FREM3: variants seen among roughly 807,000 people sequenced by gnomAD.
FREM3 encodes the protein FRAS1-related extracellular matrix protein 3.
FREM3 carries 105 observed loss-of-function variants against 129.1 expected under a neutral mutation model. The observed-to-expected ratio is 0.81, with a 90% CI of 0.69 to 0.96. The LOEUF (loss-of-function observed/expected upper bound fraction) is 0.96. Among genes scored for constraint, FREM3 ranks in the 40% least tolerant of loss-of-function variants. FREM3 has a pLI of 0.00. For missense variants in FREM3, 2,593 were observed against 2,666.3 expected, an observed-to-expected ratio of 0.97 and a Z score of 0.61; for synonymous variants, 1,014 against 1,044.9, an observed-to-expected ratio of 0.97 and a Z score of 0.57.
rs112912209 is a variant in FREM3 at position 143,656,516 on chromosome 4, C to A, written c.5276-28756G>T. Among the ~76,000 whole-genome samples, 1,447 of 152,198 alleles carry A rather than the reference C, an allele frequency of 9.5e-3. 21 individuals carry two copies. The highest frequency in any genetic ancestry group is 0.033 in the African/African-American group (1,390 of 41,520). ...CATGAAGTACTGATATATGCTATAACATAAACCTTGAAAACATTAGGCTAA... is the reference window on the plus strand; with the variant it reads ...CATGAAGTACTGATATATGCTATAAAATAAACCTTGAAAACATTAGGCTAA... On this transcript the variant is annotated intron_variant, in intron 2 of 7. Transcript: ENST00000329798.
chr4:143,620,189 C>A lies in FREM3; in HGVS notation c.5779+848G>T, dbSNP rs576261906. 1.4e-4 allele frequency among the ~76,000 whole-genome samples: 21 copies of A among 152,264 alleles called. No homozygotes were observed. The South Asian group carries it at 4.0e-3, about 29-fold the overall frequency. On this transcript the variant is annotated intron_variant, in intron 5 of 7. Coordinates refer to ENST00000329798, the MANE Select transcript of FREM3 (RefSeq NM_001168235.2). ...CAGAGAGCCAAATATGCCCTCATAA[C>A]CAATCATATAGGATGCCTGCTTCTA...
At chr4:143,596,202 A>G (rs989418732) in intron 6 of FREM3, among the ~76,000 whole-genome samples, 3 of 152,138 alleles carry the variant, frequency 2.0e-5, no homozygotes, top group Non-Finnish European at 4.4e-5. Flanking sequence ...GAATGTGGAA[A>G]CCAATTTTAG....
intron 2 of FREM3, among the ~76,000 whole-genome samples, chr4:143,647,416 T>A (rs1739438314): frequency 6.6e-6 from 1 of 152,040 alleles, no homozygotes; most frequent in South Asian, 2.1e-4. Flanking sequence ...ACCAAGACAA[T>A]GGGGAAAAAT....
intron 6 of FREM3, among the ~76,000 whole-genome samples, chr4:143,587,743 G>A (rs1397057550): frequency 2.6e-5 from 1 of 38,880 alleles, no homozygotes; most frequent in African/African-American, 9.6e-5. Flanking sequence ...TTTATCATGG[G>A]CACTTCTGCA....
At chr4:143,577,963 C>T in intron 7 of FREM3, 111 bp from the exon 8 acceptor site, 1 of 1,161,344 alleles carries the variant, frequency 8.6e-7, no homozygotes, top group Non-Finnish European at 1.2e-6. Context: ...TTGTACCCAA[C>T]ACTCTCAGGA....
Position 143,695,603 on chromosome 4 carries a change from T to C in FREM3, c.5073A>G (p.Glu1691=), listed in dbSNP as rs768246271. 38 of 1,537,242 alleles carry C rather than the reference T, an allele frequency of 2.5e-5. No individual in the cohort carries two copies. Among genetic ancestry groups the C allele is most frequent in the Non-Finnish European group, 3.3e-5 (38 of 1,146,944 alleles). Reference sequence around the variant, plus strand: ...GAAGCCTGTGGGGACTGTCCTGATCTTCTGCCTTCAGAGACTTGCTGGTAA... The same window carrying C: ...GAAGCCTGTGGGGACTGTCCTGATCCTCTGCCTTCAGAGACTTGCTGGTAA... ...FLITSKSLKA[E]DQDSPHRLLK... The change falls in exon 1 of 8, where the codon GAA becomes GAG. Residue 1691 remains glutamate, a synonymous_variant. Coordinates refer to ENST00000329798, the MANE Select transcript of FREM3 (RefSeq NM_001168235.2).
chr4:143,641,177 A>C (rs2149846240), intron 2 of FREM3, among the ~76,000 whole-genome samples: 1 of 152,304 alleles, frequency 6.6e-6, no homozygotes, highest in East Asian at 1.9e-4. Flanking sequence ...TTTTTCTAAG[A>C]ATACAAAGAT....
At chr4:143,666,513 A>C (rs1197654052) in intron 2 of FREM3, among the ~76,000 whole-genome samples, 1 of 152,178 alleles carries the variant, frequency 6.6e-6, no homozygotes, top group Non-Finnish European at 1.5e-5. Context: ...GTGGATAGAC[A>C]AAATATGATA....
chr4:143,607,818 A>G (rs184092455), intron 6 of FREM3, among the ~76,000 whole-genome samples: 88 of 152,312 alleles, frequency 5.8e-4, no homozygotes, highest in African/African-American at 2.0e-3. Context: ...TTAAAACAAC[A>G]TAAATTTATT....
intron 2 of FREM3, among the ~76,000 whole-genome samples, chr4:143,666,891 C>A (rs1288348110): frequency 1.3e-5 from 2 of 151,768 alleles, no homozygotes; most frequent in African/African-American, 4.8e-5. Context: ...ATATATTTTA[C>A]CACAATGTAA....
intron 2 of FREM3, among the ~76,000 whole-genome samples, chr4:143,662,106 T>C (rs561078818): frequency 2.0e-5 from 3 of 152,090 alleles, no homozygotes; most frequent in South Asian, 2.1e-4. Flanking sequence ...CTGCTCTGAT[T>C]TTAGTTATTT....
At position 143,696,620 on chromosome 4, in the gene FREM3, T is replaced by C; in HGVS notation, c.4056A>G (p.Gln1352=). Reference sequence around the variant, plus strand: ...GTTTTCTCAGCCTCTGTAGAAGCCCTTGTTGAGGCCCAGAATGGAGGACAA... The same window carrying C: ...GTTTTCTCAGCCTCTGTAGAAGCCCCTGTTGAGGCCCAGAATGGAGGACAA... ...LSFVLHSGPQ[Q]GLLQRLRKPR... The change falls in exon 1 of 8, where the codon CAA becomes CAG. Residue 1352 remains glutamine (Q), a synonymous_variant. Transcript: ENST00000329798. 4 of 1,537,798 alleles carry C rather than the reference T, an allele frequency of 2.6e-6. No homozygotes were observed. Among genetic ancestry groups the C allele is most frequent in the Admixed American group, 2.0e-5 (1 of 51,000 alleles).
chr4:143,631,748 C>A (rs1376858327), intron 2 of FREM3, among the ~76,000 whole-genome samples: 1 of 151,900 alleles, frequency 6.6e-6, no homozygotes, highest in Non-Finnish European at 1.5e-5. Context: ...GAAGGAGGGG[C>A]CATTTTAATA....
intron 6 of FREM3, among the ~76,000 whole-genome samples, chr4:143,596,018 G>C (rs187380523): frequency 6.6e-6 from 1 of 152,014 alleles, no homozygotes; most frequent in Non-Finnish European, 1.5e-5. Context: ...TCCAGGTAGA[G>C]TGGCTAGTAG....
chr4:143,578,414 C>T (rs564496234), intron 7 of FREM3, among the ~76,000 whole-genome samples: 10 of 151,750 alleles, frequency 6.6e-5, no homozygotes, highest in African/African-American at 2.2e-4. Flanking sequence ...ATGTAATGAT[C>T]GTAACATGAT....
chr4:143,606,960 TTGC>T (rs1262264200), intron 6 of FREM3, among the ~76,000 whole-genome samples: 1 of 152,126 alleles, frequency 6.6e-6, no homozygotes, highest in Non-Finnish European at 1.5e-5. Context: ...CGAACCTGAG[TTGC>T]AATGGCTGAA....
At chr4:143,662,600 C>T (rs962783156) in intron 2 of FREM3, among the ~76,000 whole-genome samples, 18 of 151,198 alleles carry the variant, frequency 1.2e-4, no homozygotes, top group African/African-American at 2.9e-4. Flanking sequence ...CTATTAGGTC[C>T]GCTTGGTGCA....
intron 2 of FREM3, among the ~76,000 whole-genome samples, chr4:143,672,514 T>A (rs1740017749): frequency 6.6e-6 from 1 of 152,236 alleles, no homozygotes. Flanking sequence ...TCTCTCTGGC[T>A]GCCCTTAACA....
rs1027572154 is a variant in FREM3, at chr4:143,620,972, A to G, written c.5779+65T>C. 1.4e-5 allele frequency: 20 copies of G among 1,459,488 alleles called. No individual in the cohort carries two copies. The African/African-American group carries it at 2.1e-4, about 15-fold the overall frequency. 90.4% of individuals were successfully genotyped at this position (1,459,488 alleles called of 1,614,324 possible). A position where few individuals can be genotyped will look rare whatever the true frequency, so the allele number is the denominator to read the frequency against. ...TTTGCTCACCCTCTGTGGTACTCCC[A>G]GCATTACCACAGTCTTGTTCTCATC... On this transcript the variant is annotated intron_variant, in intron 5 of 7. Coordinates refer to ENST00000329798, the MANE Select transcript of FREM3 (RefSeq NM_001168235.2).
Sources: gnomAD v4.1 joint callset for allele counts (sites outside exome capture counted in the v4.1 genomes callset) on GRCh38, gnomAD v4.1.1 for gene constraint, MANE v1.5 for transcripts, NCBI Gene and HGNC (gene_info 2026-07-23, HGNC 2026-07-21) for gene names.